The following SPATA13 variants were observed in gnomAD, a reference collection of about 807,000 sequenced individuals.
SPATA13 encodes the protein spermatogenesis associated 13, also known as spermatogenesis-associated protein 13.
SPATA13 carries 50 observed loss-of-function variants against 104.0 expected under a neutral mutation model. The ratio of observed to expected loss-of-function variants is 0.48; its 90% confidence interval spans 0.38 to 0.61. The LOEUF is 0.61. SPATA13 is among the 20% of genes least tolerant of loss of function. The pLI is 0.00. For synonymous variants in SPATA13, 606 were observed against 667.5 expected (o/e 0.91, Z 1.42); for missense variants, 1,524 against 1,690.6 (o/e 0.90, Z 1.73).
chr13:24,141,713 G>T (rs1881767720), intron 3 of SPATA13, among the ~76,000 whole-genome samples: 1 of 152,178 alleles, frequency 6.6e-6, no homozygotes, highest in Non-Finnish European at 1.5e-5. Flanking sequence ...TAACAAATGG[G>T]GCTACCCATA....
intron 2 of SPATA13, among the ~76,000 whole-genome samples, chr13:24,232,790 C>G (rs938544694): frequency 2.2e-4 from 34 of 152,346 alleles, no homozygotes; most frequent in Admixed American, 1.5e-3. Context: ...CTCAAGTGGT[C>G]TGCCTGCCTC....
At position 24,064,287 on chromosome 13, in the gene SPATA13, G is replaced by A. The variant is rs565754317; in HGVS notation, c.-112+46586G>A. On this transcript the variant is annotated intron_variant, in intron 3 of 14. Transcript: ENST00000424834. ...GTTTCGTCAAGCCCACATTTTATGAGTTAGTGACTAGACCACATTCAGATT... is the reference window on the plus strand; with the variant it reads ...GTTTCGTCAAGCCCACATTTTATGAATTAGTGACTAGACCACATTCAGATT... Among the ~76,000 whole-genome samples, 115 of 152,312 alleles carry A rather than the reference G, an allele frequency of 7.6e-4. 1 individual carries two copies. The highest frequency in any genetic ancestry group is 2.7e-3 in the African/African-American group (114 of 41,556).
chr13:24,111,833 G>A (rs1035134721), intron 3 of SPATA13, among the ~76,000 whole-genome samples: 2 of 152,176 alleles, frequency 1.3e-5, no homozygotes, highest in African/African-American at 2.4e-5. Context: ...CTTTGCTAAT[G>A]TCTTGTTTCA....
In SPATA13 at chr13:24,235,822, C is replaced by T. The variant is rs181992892; in HGVS notation, c.1653+11240C>T. On this transcript the variant is annotated intron_variant, in intron 2 of 12. Coordinates refer to ENST00000382108, the MANE Select transcript of SPATA13 (RefSeq NM_001166271.3). Reference sequence around the variant, plus strand: ...GTAAGTCTAGCAATTGCTCCATCCACTACTGAGAACTAGAATTTTTACCAA... The same window carrying T: ...GTAAGTCTAGCAATTGCTCCATCCATTACTGAGAACTAGAATTTTTACCAA... Among the ~76,000 whole-genome samples, 372 of 152,324 alleles carry T rather than the reference C, an allele frequency of 2.4e-3. 4 individuals are homozygous for T. The highest frequency in any genetic ancestry group is 2.4e-3 in the Non-Finnish European group (161 of 68,018).
rs186214062 is a variant in SPATA13 at position 24,136,001 on chromosome 13, C to G, written c.-111-86818C>G. Among the ~76,000 whole-genome samples, 536 of 152,312 alleles carry G rather than the reference C, an allele frequency of 3.5e-3. 4 individuals carry two copies. The highest frequency in any genetic ancestry group is 2.5e-3 in the Non-Finnish European group (167 of 68,028). ...CTCCTGGAAACAAAGTGTTCACTTT[C>G]CTGAGCAGAATTAAGCTCTTGGTTG... On this transcript the variant is annotated intron_variant, in intron 3 of 14. Coordinates refer to the SPATA13 transcript ENST00000424834.
intron 4 of SPATA13, chr13:24,278,840 A>G (rs1875214752): frequency 6.3e-7 from 1 of 1,579,638 alleles, no homozygotes; most frequent in South Asian, 1.2e-5. Context: ...ATCTGACCCC[A>G]AAGCCTTGCA....
At chr13:24,019,756 A>G (rs1876891335) in intron 3 of SPATA13, among the ~76,000 whole-genome samples, 1 of 152,220 alleles carries the variant, frequency 6.6e-6, no homozygotes, top group African/African-American at 2.4e-5. Context: ...AATCCTAGGC[A>G]GCTTAGGGCT....
chr13:24,209,117 T>C (rs1161845300), intron 1 of SPATA13, among the ~76,000 whole-genome samples: 5 of 152,122 alleles, frequency 3.3e-5, no homozygotes, highest in Non-Finnish European at 7.4e-5. Context: ...GGTGCAGAGA[T>C]AGACATCATG....
intron 3 of SPATA13, among the ~76,000 whole-genome samples, chr13:24,104,774 T>C (rs1880383737): frequency 6.6e-6 from 1 of 152,246 alleles, no homozygotes; most frequent in Non-Finnish European, 1.5e-5. Context: ...TAATAACTTG[T>C]TAGTTAATGT....
intron 3 of SPATA13, among the ~76,000 whole-genome samples, chr13:24,038,676 T>C (rs1877805882): frequency 6.6e-6 from 1 of 152,128 alleles, no homozygotes; most frequent in Admixed American, 6.5e-5. Flanking sequence ...AACAGGAAAG[T>C]GAGTTGGCCC....
chr13:24,284,160 C>T lies in SPATA13; in HGVS notation c.2190C>T (p.Pro730=), dbSNP rs1178696032. The T allele has an allele frequency of 4.3e-6, 7 of 1,613,560 alleles. No individual in the cohort carries two copies. Among genetic ancestry groups the T allele is most frequent in the African/African-American group, 4.0e-5 (3 of 74,902 alleles). Residue 730 remains proline (P), a synonymous_variant, in exon 5 of 13, where the codon CCC becomes CCT. Transcript: ENST00000382108. Reference sequence around the variant, plus strand: ...TTTCTTCAGATGGAGGTACTGAGCCCTCTGCCTTAGTGGATGACAACGGTA... The same window carrying T: ...TTTCTTCAGATGGAGGTACTGAGCCTTCTGCCTTAGTGGATGACAACGGTA... ...SNVSSDGGTE[P]SALVDDNGSE...
chr13:24,148,240 G>A (rs565064573), intron 3 of SPATA13, among the ~76,000 whole-genome samples: 1 of 152,234 alleles, frequency 6.6e-6, no homozygotes, highest in Non-Finnish European at 1.5e-5. Context: ...TTTTGATTAC[G>A]ATCGTTACTA....
At chr13:24,053,404 C>A (rs1426737074) in intron 3 of SPATA13, among the ~76,000 whole-genome samples, 1 of 152,108 alleles carries the variant, frequency 6.6e-6, no homozygotes, top group African/African-American at 2.4e-5. Flanking sequence ...TCCTGCATAA[C>A]AAAATTCGGG....
rs80083842 is a variant in SPATA13 at position 24,112,715 on chromosome 13, G to A, written c.-112+95014G>A. 2.1e-3 allele frequency among the ~76,000 whole-genome samples: 326 copies of A among 152,264 alleles called. 1 individual carries two copies. Among genetic ancestry groups the A allele is most frequent in the African/African-American group, 7.4e-3 (306 of 41,528 alleles). On this transcript the variant is annotated intron_variant, in intron 3 of 14. Coordinates refer to the SPATA13 transcript ENST00000424834. ...GTCTCAGTCTTCATCTACTTTCTCA[G>A]TCTTGATCCACAGTTCTCTGTTCTC...
intron 2 of SPATA13, among the ~76,000 whole-genome samples, chr13:24,010,341 C>T (rs560715720): frequency 6.6e-6 from 1 of 152,204 alleles, no homozygotes; most frequent in African/African-American, 2.4e-5. Context: ...TTCTTTGTTC[C>T]GCATCTGTGA....
intron 2 of SPATA13, among the ~76,000 whole-genome samples, chr13:23,999,867 G>A (rs907296265): frequency 5.9e-5 from 9 of 152,206 alleles, no homozygotes; most frequent in African/African-American, 2.2e-4. Flanking sequence ...AGATACTTAT[G>A]CAAAGCAAAT....
chr13:24,022,120 G>A (rs1386239139), intron 3 of SPATA13, among the ~76,000 whole-genome samples: 1 of 145,554 alleles, frequency 6.9e-6, no homozygotes. Flanking sequence ...TCATCTCACT[G>A]CAGCTTCCAC....
At chr13:24,229,715 A>G (rs1872154738) in intron 2 of SPATA13, among the ~76,000 whole-genome samples, 1 of 152,238 alleles carries the variant, frequency 6.6e-6, no homozygotes, top group Non-Finnish European at 1.5e-5. Flanking sequence ...AAAAAAAAGC[A>G]TAAGAGTTAA....
At chr13:24,096,718 G>T (rs183982357) in intron 3 of SPATA13, among the ~76,000 whole-genome samples, 2 of 152,144 alleles carry the variant, frequency 1.3e-5, no homozygotes, top group African/African-American at 2.4e-5. Context: ...AAGAACAGAG[G>T]GGGGACTGGA....
Sources: gnomAD v4.1 joint callset for allele counts (sites outside exome capture counted in the v4.1 genomes callset) on GRCh38, gnomAD v4.1.1 for gene constraint, MANE v1.5 for transcripts, NCBI Gene and HGNC (gene_info 2026-07-23, HGNC 2026-07-21) for gene names.